FXYD2: variants seen among roughly 807,000 people sequenced by gnomAD.
FXYD2 encodes sodium/potassium-transporting ATPase subunit gamma.
Under a neutral mutation model 11.8 loss-of-function variants are expected in FXYD2, and 8 were observed. That is an observed-to-expected ratio of 0.68 (90% confidence interval 0.40 to 1.22). The LOEUF is 1.22. Ranked by LOEUF, FXYD2 falls within the 50% of genes most tolerant of loss-of-function variation. The pLI is 0.01. For missense variants in FXYD2, 92 were observed against 91.8 expected (o/e 1.00, Z -0.01); for synonymous variants, 42 against 33.3 (o/e 1.26, Z -0.90).
Position 117,822,096 on chromosome 11 carries a change from A to C in FXYD2, c.139+310T>G. On this transcript the variant is annotated intron_variant, in intron 3 of 5. Transcript: ENST00000292079. This position sits in a 1 kb window ranked among gnomAD's most constrained non-coding sequence, Gnocchi z 4.7. ...CTATTTAACAAATGAGTTTGGGACC[A>C]TGGTTAGCAGCGGGGGGCCTAGTCC... 1 of 1,326,366 alleles carries C rather than the reference A, an allele frequency of 7.5e-7. No homozygotes were observed. Among genetic ancestry groups the C allele is most frequent in the Non-Finnish European group, 9.7e-7 (1 of 1,029,570 alleles). The allele number at this position is 1,326,366 out of a possible 1,614,324, so 82.2% of individuals were successfully genotyped here.
upstream of FXYD2, chr11:117,828,047 G>A (rs7117314): frequency 0.34 from 523,866 of 1,549,584 alleles, 91,543 homozygotes; most frequent in Admixed American, 0.47. Flanking sequence ...AGGAGTGCAG[G>A]AGAGCAGGGA....
chr11:117,822,005 A>C lies in FXYD2; in HGVS notation c.139+401T>G. 8.6e-7 allele frequency: 1 copy of C among 1,164,648 alleles called. No homozygotes were observed. The highest frequency in any genetic ancestry group is 2.0e-5 in the South Asian group (1 of 50,814). 72.1% of individuals were successfully genotyped at this position (1,164,648 alleles called of 1,614,324 possible). ...CGAGTCTGCACTGGACCGTTCTCAG[A>C]GCGCTGTCCTGACTGCCATGTCTTT... On this transcript the variant is annotated intron_variant, in intron 3 of 5. Transcript: ENST00000292079. The surrounding 1 kb of genome is among the most constrained non-coding windows in gnomAD (Gnocchi z 4.7).
rs17121278 is a variant in FXYD2, at chr11:117,823,773, G to A, written c.25+881C>T. 7.0e-3 allele frequency among the ~76,000 whole-genome samples: 1,068 copies of A among 152,322 alleles called. 15 individuals are homozygous for A. Among genetic ancestry groups the A allele is most frequent in the African/African-American group, 0.023 (970 of 41,568 alleles). ...GAACGCGCAAGTTAGCACTTTCCGGGCTGTGCCAAACTGTGCCCCTGAGCA... is the reference window on the plus strand; with the variant it reads ...GAACGCGCAAGTTAGCACTTTCCGGACTGTGCCAAACTGTGCCCCTGAGCA... On this transcript the variant is annotated intron_variant, in intron 1 of 5. Transcript: ENST00000292079.
At chr11:117,825,280 T>C (rs552044320), upstream of FXYD2, among the ~76,000 whole-genome samples, 1 of 152,272 alleles carries the variant, frequency 6.6e-6, no homozygotes, top group East Asian at 1.9e-4. Flanking sequence ...CCTTCATCTG[T>C]CATCCTATTC....
At chr11:117,828,053 A>G (rs1456601368), upstream of FXYD2, 4 of 1,550,184 alleles carry the variant, frequency 2.6e-6, no homozygotes, top group African/African-American at 5.5e-5. Context: ...GCAGGAGAGC[A>G]GGGAGGTGCT....
upstream of FXYD2, among the ~76,000 whole-genome samples, chr11:117,827,465 T>C (rs1049499383): frequency 1.1e-4 from 17 of 152,330 alleles, no homozygotes; most frequent in Admixed American, 4.6e-4. Flanking sequence ...GTCAGGCTGG[T>C]CTCGAACTCC....
chr11:117,826,778 G>GTCTATCTGTCTGTCTATCTA (rs1555040290), upstream of FXYD2, among the ~76,000 whole-genome samples: 1,982 of 125,820 alleles, frequency 0.016, 20 homozygotes, highest in East Asian at 0.029. Context: ...CTGTCTGTCT[G>GTCTATCTGTCTGTCTATCTA]TCTATCTATC....
At chr11:117,825,476 T>A (rs1206316668), upstream of FXYD2, among the ~76,000 whole-genome samples, 1 of 152,226 alleles carries the variant, frequency 6.6e-6, no homozygotes, top group Non-Finnish European at 1.5e-5. Context: ...AAGACTTTCA[T>A]CGTGGGGAAA....
intron 1 of FXYD2, among the ~76,000 whole-genome samples, chr11:117,823,450 A>C (rs1489991232): frequency 6.6e-6 from 1 of 152,226 alleles, no homozygotes; most frequent in African/African-American, 2.4e-5. Context: ...GTTTGAACCC[A>C]GGAAGCAGGG....
intron 1 of FXYD2, among the ~76,000 whole-genome samples, chr11:117,823,234 A>T (rs1200755325): frequency 6.6e-6 from 1 of 152,218 alleles, no homozygotes; most frequent in Non-Finnish European, 1.5e-5. Context: ...CTGCGTTACC[A>T]TCCTCAGGGG....
At position 117,824,592 on chromosome 11, in the gene FXYD2, G is replaced by A. The variant is rs2055994312; in HGVS notation, c.25+62C>T. On this transcript the variant is annotated intron_variant, in intron 1 of 5. Coordinates refer to ENST00000292079, the MANE Select transcript of FXYD2 (RefSeq NM_001680.5). This position sits in a 1 kb window ranked among gnomAD's most constrained non-coding sequence, Gnocchi z 4.0. The stretch of plus-strand genomic sequence containing the variant: ...AGTAGGGTCCAGCTGACCCCACAAA[G>A]GCAGGCCAATCAGAGCCACCCAGCA... 1 of 1,375,528 alleles carries A rather than the reference G, an allele frequency of 7.3e-7. No individual in the cohort carries two copies. Among genetic ancestry groups the A allele is most frequent in the Non-Finnish European group, 1.0e-6 (1 of 963,270 alleles). 85.2% of individuals were successfully genotyped at this position (1,375,528 alleles called of 1,614,324 possible). A position where few individuals can be genotyped will look rare whatever the true frequency, so the allele number is the denominator to read the frequency against.
Position 117,822,744 on chromosome 11 carries a change from G to A in FXYD2, c.26-27C>T. On this transcript the variant is annotated intron_variant, in intron 1 of 5. Transcript: ENST00000292079. This position sits in a 1 kb window ranked among gnomAD's most constrained non-coding sequence, Gnocchi z 4.7. ...TAGGAGAGAGCCAGAGGTGGGATGA[G>A]AGGAGTCACCGATGGTGAGCCAGCC... The A allele has an allele frequency of 6.2e-7, 1 of 1,604,922 alleles. No homozygotes were observed. The highest frequency in any genetic ancestry group is 2.2e-5 in the East Asian group (1 of 44,526).
intron 5 of FXYD2, 116 bp from the exon 6 acceptor site, chr11:117,820,488 C>T (rs1232886722): frequency 1.4e-6 from 1 of 711,136 alleles, no homozygotes; most frequent in Admixed American, 2.8e-5. Flanking sequence ...CTGCGGCACA[C>T]ACTCCACGCC....
At position 117,822,348 on chromosome 11, in the gene FXYD2, G is replaced by A. The variant is rs756447521; in HGVS notation, c.139+58C>T. 1 of 1,550,102 alleles carries A rather than the reference G, an allele frequency of 6.5e-7. No homozygotes were observed. Among genetic ancestry groups the A allele is most frequent in the Non-Finnish European group, 8.7e-7 (1 of 1,146,980 alleles). On this transcript the variant is annotated intron_variant, in intron 3 of 5. Coordinates refer to ENST00000292079, the MANE Select transcript of FXYD2 (RefSeq NM_001680.5). This position sits in a 1 kb window ranked among gnomAD's most constrained non-coding sequence, Gnocchi z 4.7. The stretch of plus-strand genomic sequence containing the variant: ...CTCCCGAAAGCCAGCCTGCTCAGCG[G>A]CCTTGAGAAGAGAGGTGCCCTGGTC...
Position 117,822,310 on chromosome 11 carries a change from C to T in FXYD2, c.139+96G>A. The T allele has an allele frequency of 6.5e-7, 1 of 1,547,492 alleles. No individual in the cohort carries two copies. The highest frequency in any genetic ancestry group is 1.2e-5 in the South Asian group (1 of 83,900). ...GGGGGGCGTGGTGGGGAGGCTCACC[C>T]CTCCCTTGGCAACTCCCGAAAGCCA... is the stretch of plus-strand genomic sequence containing the variant. On this transcript the variant is annotated intron_variant, in intron 3 of 5. Coordinates refer to ENST00000292079, the MANE Select transcript of FXYD2 (RefSeq NM_001680.5). This position sits in a 1 kb window ranked among gnomAD's most constrained non-coding sequence, Gnocchi z 4.7.
Position 117,822,329 on chromosome 11 carries a change from A to C in FXYD2, c.139+77T>G. The C allele has an allele frequency of 6.5e-7, 1 of 1,549,122 alleles. No individual in the cohort carries two copies. Among genetic ancestry groups the C allele is most frequent in the Non-Finnish European group, 8.7e-7 (1 of 1,146,730 alleles). ...CTCACCCCTCCCTTGGCAACTCCCG[A>C]AAGCCAGCCTGCTCAGCGGCCTTGA... On this transcript the variant is annotated intron_variant, in intron 3 of 5. Transcript: ENST00000292079. The surrounding 1 kb of genome is among the most constrained non-coding windows in gnomAD (Gnocchi z 4.7).
chr11:117,822,722 G>A lies in FXYD2; in HGVS notation c.26-5C>T, dbSNP rs182462094. ...CGTCCCCCTTGGGGCTGCCGCCTAG[G>A]AGAGAGCCAGAGGTGGGATGAGAGG... On this transcript the variant is annotated splice_region_variant and splice_polypyrimidine_tract_variant and intron_variant, in intron 1 of 5. Transcript: ENST00000292079. The surrounding 1 kb of genome is among the most constrained non-coding windows in gnomAD (Gnocchi z 4.7). 53 of 1,609,046 alleles carry A rather than the reference G, an allele frequency of 3.3e-5. No homozygotes were observed. In the Admixed American group the frequency reaches 8.6e-4, roughly 26 times the overall value.
rs1565300156 is a variant in FXYD2 at position 117,820,909 on chromosome 11, AAGG to A, written c.140-17_140-15del. 5.6e-6 allele frequency: 9 copies of A among 1,613,938 alleles called. No individual in the cohort carries two copies. The highest frequency in any genetic ancestry group is 2.2e-5 in the East Asian group (1 of 44,876). On this transcript the variant is annotated splice_polypyrimidine_tract_variant and intron_variant, in intron 3 of 5. Transcript: ENST00000292079. ...GGAATCTTCTGCCTTGAAAAGAGAAAAGGAGATTTGTTTCCATGGACTAATTTT... is the reference window on the plus strand; with the variant it reads ...GGAATCTTCTGCCTTGAAAAGAGAAAAGATTTGTTTCCATGGACTAATTTT...
At chr11:117,824,999 C>T (rs1208336082), upstream of FXYD2, among the ~76,000 whole-genome samples, 1 of 152,206 alleles carries the variant, frequency 6.6e-6, no homozygotes, top group Non-Finnish European at 1.5e-5. This position sits in a 1 kb window ranked among gnomAD's most constrained non-coding sequence, Gnocchi z 4.0. Context: ...GAAGCTACAG[C>T]TGGGGCGGTG....
Sources: allele counts gnomAD v4.1 joint callset (sites outside exome capture counted in the v4.1 genomes callset), GRCh38; gene constraint gnomAD v4.1.1; non-coding constraint Gnocchi (gnomAD v3.1); transcripts MANE v1.5; gene names NCBI Gene and HGNC (gene_info 2026-07-23, HGNC 2026-07-21).